The following CELF1 variants were observed in gnomAD, a reference collection of about 807,000 sequenced individuals.
CELF1 encodes the protein CUGBP Elav-like family member 1, also known as 50 kDa nuclear polyadenylated RNA-binding protein.
CELF1 carries 10 observed loss-of-function variants against 61.8 expected under a neutral mutation model. That is an observed-to-expected ratio of 0.16 (90% CI 0.10 to 0.27). CELF1 has a LOEUF of 0.27. Among genes scored for constraint, CELF1 ranks in the 10% least tolerant of loss-of-function variants. The pLI is 1.00. For synonymous variants in CELF1, 236 were observed against 225.1 expected, an observed-to-expected ratio of 1.05 and a Z score of -0.43; for missense variants, 380 against 639.1, an observed-to-expected ratio of 0.59 and a Z score of 4.37.
chr11:47,551,974 C>A (rs1184330377), intron 1 of CELF1, among the ~76,000 whole-genome samples: 1 of 149,634 alleles, frequency 6.7e-6, no homozygotes, highest in Non-Finnish European at 1.5e-5. Context: ...GATAGCGCCA[C>A]TGCACTCCAG....
At chr11:47,547,805 A>G (rs1394906714) in intron 1 of CELF1, among the ~76,000 whole-genome samples, 2 of 152,216 alleles carry the variant, frequency 1.3e-5, no homozygotes, top group African/African-American at 4.8e-5. Context: ...TTCCAGTTAC[A>G]TGAAATATCT....
intron 2 of CELF1, among the ~76,000 whole-genome samples, chr11:47,560,156 T>A (rs745459108): frequency 6.6e-6 from 1 of 152,076 alleles, no homozygotes; most frequent in Non-Finnish European, 1.5e-5. Context: ...CTGGGCGTGG[T>A]GGTGCACGCC....
intron 6 of CELF1, 99 bp downstream of exon 6, chr11:47,486,651 A>C: frequency 1.1e-6 from 1 of 928,310 alleles, no homozygotes; most frequent in East Asian, 2.4e-5. Context: ...CAAGCAATCC[A>C]TCTGTCTTGG....
At chr11:47,557,839 T>C (rs2097210414), upstream of CELF1, 1 of 150,686 alleles carries the variant, frequency 6.6e-6, no homozygotes, top group African/African-American at 2.4e-5. Flanking sequence ...CCTGCCCTTG[T>C]CTCTAAAAGA....
intron 2 of CELF1, among the ~76,000 whole-genome samples, chr11:47,562,226 C>CAAAAAAAAAAAAA (rs745795043): frequency 7.3e-5 from 6 of 81,666 alleles, no homozygotes; most frequent in Admixed American, 1.4e-4. Context: ...AACTCCATCT[C>CAAAAAAAAAAAAA]AAAAAAAAAA....
chr11:47,478,754 G>A (rs930215065), intron 10 of CELF1, 123 bp downstream of exon 10: 2 of 719,954 alleles, frequency 2.8e-6, no homozygotes, highest in South Asian at 1.6e-5. Flanking sequence ...TTTATCCTAG[G>A]TCAGGTTTAC....
At chr11:47,487,064 C>T in intron 5 of CELF1, 95 bp downstream of exon 5, 1 of 995,134 alleles carries the variant, frequency 1.0e-6, no homozygotes, top group Non-Finnish European at 1.5e-6. Flanking sequence ...GTTACCTTTT[C>T]CCCAAAATGG....
intron 10 of CELF1, among the ~76,000 whole-genome samples, chr11:47,478,067 A>C (rs2081075060): frequency 1.3e-5 from 2 of 152,192 alleles, no homozygotes; most frequent in African/African-American, 2.4e-5. Context: ...TAGACAATGG[A>C]AAGATGGATG....
chr11:47,521,184 G>A (rs1024398947), intron 1 of CELF1, among the ~76,000 whole-genome samples: 1 of 151,516 alleles, frequency 6.6e-6, no homozygotes, highest in Non-Finnish European at 1.5e-5. Flanking sequence ...CCTGGGAGGC[G>A]GAGTTTGCAG....
chr11:47,491,401 C>A (rs1037556526), intron 3 of CELF1, among the ~76,000 whole-genome samples: 1 of 151,646 alleles, frequency 6.6e-6, no homozygotes, highest in Non-Finnish European at 1.5e-5. Context: ...CTCAAGTGAT[C>A]CACCTGCCTT....
intron 1 of CELF1, among the ~76,000 whole-genome samples, chr11:47,529,047 G>C (rs1193601433): frequency 6.6e-6 from 1 of 151,534 alleles, no homozygotes; most frequent in Non-Finnish European, 1.5e-5. Context: ...ACTGAGTACA[G>C]ATGTGTGCCA....
chr11:47,538,868 A>G (rs959555704), intron 1 of CELF1, among the ~76,000 whole-genome samples: 1 of 152,072 alleles, frequency 6.6e-6, no homozygotes, highest in Admixed American at 6.6e-5. Flanking sequence ...GAAAAACACC[A>G]CTGTGATGCT....
intron 2 of CELF1, among the ~76,000 whole-genome samples, chr11:47,560,967 T>C (rs889421548): frequency 3.4e-5 from 5 of 147,126 alleles, no homozygotes; most frequent in African/African-American, 1.3e-4. Context: ...TGAAACCCCG[T>C]CTCTACTAAA....
intron 1 of CELF1, among the ~76,000 whole-genome samples, chr11:47,541,053 C>T (rs1323377704): frequency 6.6e-6 from 1 of 152,168 alleles, no homozygotes; most frequent in Non-Finnish European, 1.5e-5. Context: ...TATGTGACTG[C>T]AGTGTGAGGG....
Position 47,475,349 on chromosome 11 carries a change from T to C in CELF1, c.1260A>G (p.Gly420=), listed in dbSNP as rs2079548710. 6.2e-7 allele frequency: 1 copy of C among 1,613,634 alleles called. No individual in the cohort carries two copies. The highest frequency in any genetic ancestry group is 1.1e-5 in the South Asian group (1 of 91,044). Residue 420 remains glycine (G), a synonymous_variant, in exon 13 of 15, where the codon GGA becomes GGG. Coordinates refer to ENST00000687097, the MANE Select transcript of CELF1 (RefSeq NM_001376376.1). ...LLTQQSIGAA[G]SQKEGPEGAN... ...CTTTGCACTCACCTTCCTTCTGGCTTCCAGCAGCACCAATACTCTGCTGTG... is the reference window on the plus strand; with the variant it reads ...CTTTGCACTCACCTTCCTTCTGGCTCCCAGCAGCACCAATACTCTGCTGTG...
At chr11:47,491,267 A>G (rs1444626355) in intron 3 of CELF1, among the ~76,000 whole-genome samples, 1 of 151,456 alleles carries the variant, frequency 6.6e-6, no homozygotes, top group African/African-American at 2.4e-5. Context: ...GGTTCAAGTG[A>G]TTCTCATGCC....
At chr11:47,500,549 G>A (rs915922916) in intron 2 of CELF1, among the ~76,000 whole-genome samples, 1 of 152,134 alleles carries the variant, frequency 6.6e-6, no homozygotes, top group African/African-American at 2.4e-5. Flanking sequence ...GCCTACCAGG[G>A]ACAACACTCA....
At chr11:47,556,616 A>T (rs1035198990), upstream of CELF1, among the ~76,000 whole-genome samples, 1 of 152,216 alleles carries the variant, frequency 6.6e-6, no homozygotes, top group Non-Finnish European at 1.5e-5. Flanking sequence ...TACTCCCATA[A>T]TCCCAGCTAC....
chr11:47,542,616 G>A (rs1430623924), intron 1 of CELF1, among the ~76,000 whole-genome samples: 9 of 150,862 alleles, frequency 6.0e-5, no homozygotes, highest in African/African-American at 2.2e-4. Context: ...TTGTGCCTCA[G>A]CCACTTGAGG....
Sources: gnomAD v4.1 joint callset for allele counts (sites outside exome capture counted in the v4.1 genomes callset) on GRCh38, gnomAD v4.1.1 for gene constraint, MANE v1.5 for transcripts, NCBI Gene and HGNC (gene_info 2026-07-23, HGNC 2026-07-21) for gene names.